Variants in FBRSL1 observed in about 807,000 individuals in gnomAD.
FBRSL1 encodes the protein fibrosin like 1.
FBRSL1 carries 51 observed loss-of-function variants against 89.6 expected under a neutral mutation model. That is an observed-to-expected ratio of 0.57 (90% CI 0.45 to 0.72). The LOEUF (loss-of-function observed/expected upper bound fraction) is 0.72. FBRSL1 is among the 30% of genes least tolerant of loss of function. FBRSL1 has a pLI of 0.00. For synonymous variants in FBRSL1, 779 were observed against 681.1 expected (o/e 1.14, Z -2.24); for missense variants, 1,618 against 1,451.8 (o/e 1.11, Z -1.86).
At chr12:132,578,455 T>TGAG (rs1324727590) in intron 15 of FBRSL1, among the ~76,000 whole-genome samples, 1 of 151,894 alleles carries the variant, frequency 6.6e-6, no homozygotes, top group Non-Finnish European at 1.5e-5. Context: ...CGGAGTGGGC[T>TGAG]GAGGAGGAGG....
At chr12:132,526,411 C>T (rs1409510981) in intron 3 of FBRSL1, among the ~76,000 whole-genome samples, 6 of 152,242 alleles carry the variant, frequency 3.9e-5, no homozygotes, top group African/African-American at 4.8e-5. Context: ...TTGCCAGCCC[C>T]TGGTGAAGGA....
intron 3 of FBRSL1, among the ~76,000 whole-genome samples, chr12:132,527,358 G>A (rs933899569): frequency 1.3e-5 from 2 of 152,222 alleles, no homozygotes; most frequent in African/African-American, 2.4e-5. Context: ...AGCCAAGGGC[G>A]TCCCTGTGGG....
At chr12:132,511,981 A>G in intron 2 of FBRSL1, 1 of 985,478 alleles carries the variant, frequency 1.0e-6, no homozygotes, top group Non-Finnish European at 1.2e-6. Context: ...TAAACAGACG[A>G]GCATGTGTCT....
rs568507637 is a variant in FBRSL1 at position 132,566,693 on chromosome 12, G to A, written c.646-788G>A. ...CTCAGCTGCCTCTCAGCAACACTGG[G>A]CACCAGGCCTAGAGCTTGGCCGGCC... On this transcript the variant is annotated intron_variant, in intron 5 of 18. Transcript: ENST00000680143. Among the ~76,000 whole-genome samples the A allele has an allele frequency of 4.6e-5, 7 of 152,356 alleles. No homozygotes were observed. The East Asian group carries it at 1.4e-3, about 29-fold the overall frequency.
intron 2 of FBRSL1, among the ~76,000 whole-genome samples, chr12:132,523,381 G>A (rs1021593426): frequency 1.3e-5 from 2 of 152,114 alleles, no homozygotes; most frequent in Admixed American, 6.5e-5. Context: ...CCCCACGACC[G>A]GCCTGGCCAC....
intron 5 of FBRSL1, among the ~76,000 whole-genome samples, chr12:132,561,975 A>T (rs1339709409): frequency 6.6e-6 from 1 of 152,054 alleles, no homozygotes; most frequent in Non-Finnish European, 1.5e-5. Context: ...ACGGCCAAGG[A>T]GGTGCCGAGG....
At chr12:132,541,217 G>A (rs368662025) in intron 4 of FBRSL1, among the ~76,000 whole-genome samples, 2 of 150,490 alleles carry the variant, frequency 1.3e-5, no homozygotes, top group African/African-American at 4.9e-5. Flanking sequence ...CAAATCCACT[G>A]TCAGCCTGGG....
intron 4 of FBRSL1, among the ~76,000 whole-genome samples, chr12:132,528,887 C>T (rs927065329): frequency 3.3e-5 from 5 of 152,170 alleles, no homozygotes; most frequent in Admixed American, 1.3e-4. Flanking sequence ...GCTCCTTGCA[C>T]ATGTGCCTGG....
intron 15 of FBRSL1, among the ~76,000 whole-genome samples, chr12:132,579,495 C>G (rs1278674767): frequency 6.6e-6 from 1 of 152,248 alleles, no homozygotes; most frequent in Non-Finnish European, 1.5e-5. Flanking sequence ...TGTATGCCAT[C>G]TCTTGATGCT....
chr12:132,525,701 GT>G, intron 2 of FBRSL1, 32 bp from the exon 3 acceptor site: 1 of 1,517,058 alleles, frequency 6.6e-7, no homozygotes, highest in Non-Finnish European at 8.9e-7. Flanking sequence ...TGAGGTGGGG[GT>G]TTGCCTGAGA....
chr12:132,510,619 C>T, intron 2 of FBRSL1: 2 of 1,229,684 alleles, frequency 1.6e-6, no homozygotes, highest in Non-Finnish European at 2.0e-6. Context: ...GAAATTGAGG[C>T]TCGGCCAGAG....
Position 132,574,135 on chromosome 12 carries a change from A to G in FBRSL1, c.1576A>G (p.Thr526Ala). The G allele has an allele frequency of 7.2e-7, 1 of 1,395,792 alleles. No individual in the cohort carries two copies. Among genetic ancestry groups the G allele is most frequent in the Non-Finnish European group, 9.3e-7 (1 of 1,080,718 alleles). The allele number at this position is 1,395,792 out of a possible 1,614,324, so 86.5% of individuals were successfully genotyped here. Reference sequence around the variant, plus strand: ...GGCCCGCCGGGCTGGTGCGGTTCACACACTCCTGCAGAAAGCGCCTGGGGT... The same window carrying G: ...GGCCCGCCGGGCTGGTGCGGTTCACGCACTCCTGCAGAAAGCGCCTGGGGT... ...EVARRAGAVHTLLQKAPGVSD... is the reference protein window; with the variant it reads ...EVARRAGAVHALLQKAPGVSD... Residue 526 changes from threonine to alanine, a missense_variant, in exon 12 of 19, where the codon ACA becomes GCA. Thr to Ala is a moderately conservative substitution (Grantham distance 58). Coordinates refer to ENST00000680143, the MANE Select transcript of FBRSL1 (RefSeq NM_001367871.1).
At position 132,582,929 on chromosome 12, in the gene FBRSL1, A is replaced by G. The variant is rs184057008; in HGVS notation, c.2202-42A>G. ...TCCCGGGGCTGCGCCGCGCGGCAGG[A>G]CGGAGGTCTCGGGAGTGACGGGTCC... On this transcript the variant is annotated intron_variant, in intron 18 of 18. Transcript: ENST00000680143. 7.0e-4 allele frequency: 947 copies of G among 1,347,060 alleles called. 5 individuals carry two copies. The African/African-American group carries it at 0.011, about 16-fold the overall frequency. The allele number at this position is 1,347,060 out of a possible 1,614,324, so 83.4% of individuals were successfully genotyped here.
intron 2 of FBRSL1, among the ~76,000 whole-genome samples, chr12:132,515,162 A>G (rs1233231954): frequency 5.3e-5 from 8 of 152,074 alleles, no homozygotes; most frequent in Admixed American, 5.2e-4. Flanking sequence ...GCCAGACCTC[A>G]TGCATCAGGC....
intron 1 of FBRSL1, among the ~76,000 whole-genome samples, chr12:132,503,521 G>A (rs1405207075): frequency 6.6e-6 from 1 of 152,256 alleles, no homozygotes; most frequent in East Asian, 1.9e-4. Flanking sequence ...GGGGGAGATG[G>A]GTCATGGTGG....
intron 18 of FBRSL1, 132 bp from the exon 19 acceptor site, chr12:132,582,839 A>G (rs2040873534): frequency 3.1e-6 from 2 of 647,428 alleles, no homozygotes; most frequent in Non-Finnish European, 4.6e-6. Context: ...GGGGTGCGGG[A>G]GCTGTGGGTG....
chr12:132,557,502 C>T (rs1029524804), intron 5 of FBRSL1, among the ~76,000 whole-genome samples: 31 of 151,840 alleles, frequency 2.0e-4, no homozygotes, highest in African/African-American at 6.5e-4. Flanking sequence ...GCTCGGGGCT[C>T]GGGGCTGGGT....
intron 1 of FBRSL1, among the ~76,000 whole-genome samples, chr12:132,491,844 G>A (rs1207060928): frequency 3.3e-5 from 5 of 152,238 alleles, no homozygotes; most frequent in Non-Finnish European, 5.9e-5. Flanking sequence ...AACAGGTGCC[G>A]CATCGTGTCC....
intron 6 of FBRSL1, among the ~76,000 whole-genome samples, chr12:132,568,746 G>A (rs2039807062): frequency 6.6e-6 from 1 of 152,156 alleles, no homozygotes; most frequent in Admixed American, 6.5e-5. Flanking sequence ...AGCTGGGAAA[G>A]CCGGTGGAGA....
Sources: allele counts gnomAD v4.1 joint callset (sites outside exome capture counted in the v4.1 genomes callset), GRCh38; gene constraint gnomAD v4.1.1; transcripts MANE v1.5; gene names NCBI Gene and HGNC (gene_info 2026-07-23, HGNC 2026-07-21).